MARK3: variants seen among roughly 807,000 people sequenced by gnomAD.
MARK3 encodes microtubule affinity regulating kinase 3.
A neutral mutation model predicts 90.1 loss-of-function variants in MARK3; 46 were observed. The observed-to-expected ratio is 0.51, with a 90% CI of 0.40 to 0.65. The LOEUF (loss-of-function observed/expected upper bound fraction) is 0.65, where lower values mean the gene tolerates loss of function less well. Ranked by LOEUF, MARK3 falls within the 30% of genes least tolerant of loss-of-function variation. MARK3 has a pLI of 0.00. For missense variants in MARK3, 818 were observed against 947.2 expected (o/e 0.86, Z 1.79); for synonymous variants, 321 against 332.6 (o/e 0.97, Z 0.38).
At position 103,385,879 on chromosome 14, in the gene MARK3, G is replaced by A; in HGVS notation, c.-151G>A. The stretch of plus-strand genomic sequence containing the variant: ...CCGGGGGACGGCCCGGGCCAGGCCC[G>A]GGATCTAGACGGCCGTAGGGGGAAG... On this transcript the variant is annotated 5_prime_UTR_variant, in exon 1 of 18. Transcript: ENST00000429436. 1.6e-6 allele frequency: 1 copy of A among 609,740 alleles called. No individual in the cohort carries two copies. Among genetic ancestry groups the A allele is most frequent in the Non-Finnish European group, 2.9e-6 (1 of 340,056 alleles). 37.8% of individuals were successfully genotyped at this position (609,740 alleles called of 1,614,324 possible).
At chr14:103,450,875 A>AGTGT (rs61183226) in intron 4 of MARK3, among the ~76,000 whole-genome samples, 6,630 of 114,676 alleles carry the variant, frequency 0.058, 233 homozygotes, top group Middle Eastern at 0.084. Flanking sequence ...TCATTTTTAA[A>AGTGT]GTGTGTGTGT....
At position 103,495,950 on chromosome 14, in the gene MARK3, C is replaced by G. The variant is rs143201458; in HGVS notation, c.1845-2552C>G. Among the ~76,000 whole-genome samples, 657 of 152,354 alleles carry G rather than the reference C, an allele frequency of 4.3e-3. 3 individuals are homozygous for G. Among genetic ancestry groups the G allele is most frequent in the Middle Eastern group, 0.02 (6 of 294 alleles). On this transcript the variant is annotated intron_variant, in intron 15 of 17. Transcript: ENST00000429436. ...CAAGGGAGACCTGGTGTGGCCAGGT[C>G]TGGAGAGGGCTGCAGTCAGGAAGCC... is the stretch of plus-strand genomic sequence containing the variant.
At chr14:103,467,008 A>G in intron 10 of MARK3, 71 bp from the exon 11 acceptor site, 2 of 511,576 alleles carry the variant, frequency 3.9e-6, no homozygotes, top group South Asian at 7.0e-5. Context: ...CCGTCTCAAA[A>G]AAAAAAAAAA....
At chr14:103,499,321 T>G (rs753538723) in intron 16 of MARK3, 2 of 152,134 alleles carry the variant, frequency 1.3e-5, no homozygotes, top group Admixed American at 1.3e-4. Context: ...TAGCCGGGCA[T>G]GGTGGCACGC....
intron 2 of MARK3, among the ~76,000 whole-genome samples, chr14:103,427,508 A>AAAAAAAAAAAAC (rs2092448522): frequency 6.6e-6 from 1 of 151,194 alleles, no homozygotes; most frequent in Non-Finnish European, 1.5e-5. Context: ...AAAAAAAAAA[A>AAAAAAAAAAAAC]AAAAAGAAAC....
At chr14:103,423,200 C>CTTTTTTTTTTTT (rs10529756) in intron 2 of MARK3, among the ~76,000 whole-genome samples, 14,072 of 93,826 alleles carry the variant, frequency 0.15, 3,009 homozygotes, top group East Asian at 0.37. Context: ...GACTTGCAGT[C>CTTTTTTTTTTTT]TTTTTTTTTT....
chr14:103,405,008 A>C (rs545306366), intron 1 of MARK3, 68 bp from the exon 2 acceptor site: 2 of 1,200,426 alleles, frequency 1.7e-6, no homozygotes, highest in South Asian at 2.8e-5. Context: ...TTCAATTAGA[A>C]GCTCTTAGAA....
At chr14:103,409,437 A>T (rs1260363723) in intron 2 of MARK3, among the ~76,000 whole-genome samples, 26 of 1,658 alleles carry the variant, frequency 0.016, no homozygotes, top group Admixed American at 0.095. Flanking sequence ...ACTTAAAGTA[A>T]AAAAAAAAAA....
At chr14:103,401,678 C>G (rs1251680585) in intron 1 of MARK3, among the ~76,000 whole-genome samples, 1 of 152,164 alleles carries the variant, frequency 6.6e-6, no homozygotes, top group Non-Finnish European at 1.5e-5. Flanking sequence ...ACATGGCTGT[C>G]TATGCCTAAC....
chr14:103,409,767 G>A (rs2091525688), intron 2 of MARK3, among the ~76,000 whole-genome samples: 1 of 152,116 alleles, frequency 6.6e-6, no homozygotes, highest in Admixed American at 6.6e-5. Flanking sequence ...TCATAGATCT[G>A]ACATATTAGT....
intron 3 of MARK3, among the ~76,000 whole-genome samples, chr14:103,432,419 C>T (rs1051235514): frequency 1.3e-5 from 2 of 152,178 alleles, no homozygotes; most frequent in Non-Finnish European, 2.9e-5. Context: ...CTTATACCCA[C>T]CTCAATCTTC....
intron 5 of MARK3, among the ~76,000 whole-genome samples, chr14:103,452,311 T>A (rs1289043089): frequency 1.3e-5 from 2 of 151,988 alleles, no homozygotes; most frequent in Non-Finnish European, 2.9e-5. Context: ...CCACCACCCA[T>A]GTCCAGAATG....
intron 1 of MARK3, among the ~76,000 whole-genome samples, chr14:103,397,779 A>G (rs535067853): frequency 6.6e-6 from 1 of 152,208 alleles, no homozygotes; most frequent in Non-Finnish European, 1.5e-5. Context: ...TACTATATTT[A>G]TGGGACAATA....
Position 103,456,863 on chromosome 14 carries a change from G to GT in MARK3, c.413-274dup, listed in dbSNP as rs1174486817. ...TTTAATTTTCTGTTTTAATTGCTTAGTTTTTATTAAAGCCTATTGAAAACG... is the reference window on the plus strand; with the variant it reads ...TTTAATTTTCTGTTTTAATTGCTTAGTTTTTTATTAAAGCCTATTGAAAACG... On this transcript the variant is annotated intron_variant, in intron 5 of 17. Coordinates refer to ENST00000429436, the MANE Select transcript of MARK3 (RefSeq NM_001128918.3). Among the ~76,000 whole-genome samples, 3 of 152,138 alleles carry GT rather than the reference G, an allele frequency of 2.0e-5. No individual in the cohort carries two copies. In the East Asian group the frequency reaches 5.8e-4, roughly 29 times the overall value.
At chr14:103,447,474 C>G (rs182234440) in intron 3 of MARK3, among the ~76,000 whole-genome samples, 6 of 152,256 alleles carry the variant, frequency 3.9e-5, no homozygotes, top group African/African-American at 1.2e-4. Context: ...GGTTTTTCCC[C>G]GCTTTTGCCT....
chr14:103,460,828 T>C (rs1199609143), intron 6 of MARK3, among the ~76,000 whole-genome samples: 1 of 152,214 alleles, frequency 6.6e-6, no homozygotes, highest in Non-Finnish European at 1.5e-5. Context: ...ACAAAGCTAT[T>C]TTACTTTTCA....
At chr14:103,493,258 A>ATTTTTTTTTTTTTTTTTTTTTTTT (rs10678432) in intron 15 of MARK3, among the ~76,000 whole-genome samples, 2 of 105,374 alleles carry the variant, frequency 1.9e-5, no homozygotes, top group Non-Finnish European at 1.8e-5. Flanking sequence ...TTTTTTTTTA[A>ATTTTTTTTTTTTTTTTTTTTTTTT]TTTTTTTTTT....
chr14:103,501,279 C>G (rs1411922562), intron 17 of MARK3, among the ~76,000 whole-genome samples: 2 of 152,210 alleles, frequency 1.3e-5, no homozygotes, highest in African/African-American at 4.8e-5. Flanking sequence ...CATTCCCTCT[C>G]CAGGCCTACC....
At position 103,458,931 on chromosome 14, in the gene MARK3, G is replaced by T. The variant is rs116879768; in HGVS notation, c.483+1719G>T. 1.7e-3 allele frequency: 750 copies of T among 438,328 alleles called. 14 individuals carry two copies. In the East Asian group the frequency reaches 0.023, roughly 14 times the overall value. The allele number at this position is 438,328 out of a possible 1,614,324, so 27.2% of individuals were successfully genotyped here. On this transcript the variant is annotated intron_variant, in intron 6 of 17. Coordinates refer to ENST00000429436, the MANE Select transcript of MARK3 (RefSeq NM_001128918.3). Reference sequence around the variant, plus strand: ...GCTTTGGCTATCATTTAACTTCTCTGATCCTGTTTTTAAAGCTATAAAAAA... The same window carrying T: ...GCTTTGGCTATCATTTAACTTCTCTTATCCTGTTTTTAAAGCTATAAAAAA...
Sources: gnomAD v4.1 joint callset for allele counts (sites outside exome capture counted in the v4.1 genomes callset) on GRCh38, gnomAD v4.1.1 for gene constraint, MANE v1.5 for transcripts, NCBI Gene and HGNC (gene_info 2026-07-23, HGNC 2026-07-21) for gene names.